Variants in LMF1 observed in about 807,000 individuals in gnomAD.
LMF1 encodes lipase maturation factor 1, also known as transmembrane protein 112.
A neutral mutation model predicts 60.6 loss-of-function variants in LMF1; 68 were observed. The ratio of observed to expected loss-of-function variants is 1.12; its 90% CI spans 0.92 to 1.37. The LOEUF (loss-of-function observed/expected upper bound fraction) is 1.37, where lower values mean the gene tolerates loss of function less well. LMF1 is among the 40% of genes most tolerant of loss of function. LMF1 has a pLI of 0.00. For synonymous variants in LMF1, 418 were observed against 324.7 expected (o/e 1.29, Z -3.09); for missense variants, 948 against 767.2 (o/e 1.24, Z -2.78).
At chr16:894,967 G>A (rs112130516) in intron 4 of LMF1, among the ~76,000 whole-genome samples, 6 of 152,056 alleles carry the variant, frequency 3.9e-5, no homozygotes, top group African/African-American at 1.2e-4. Flanking sequence ...GCCCCGGGGC[G>A]GGGTGGGGAT....
chr16:918,537 T>C (rs1039271192), intron 3 of LMF1, among the ~76,000 whole-genome samples: 5 of 152,224 alleles, frequency 3.3e-5, no homozygotes, highest in African/African-American at 1.2e-4. Flanking sequence ...TCTTTGTCTT[T>C]TGTGTCCCGG....
At chr16:855,734 C>T (rs778073893) in intron 10 of LMF1, 1 of 456,074 alleles carries the variant, frequency 2.2e-6, no homozygotes, top group South Asian at 1.5e-5. Flanking sequence ...CCTCTCATGG[C>T]CCCTGGAATG....
chr16:948,806 GCCAACGAC>G, intron 2 of LMF1, among the ~76,000 whole-genome samples: 2 of 140,098 alleles, frequency 1.4e-5, no homozygotes, highest in Admixed American at 7.3e-5. Context: ...GACAGAGTCA[GCCAACGAC>G]AGAGTCAGCC....
At chr16:877,626 G>A (rs2070029690) in intron 6 of LMF1, among the ~76,000 whole-genome samples, 1 of 152,210 alleles carries the variant, frequency 6.6e-6, no homozygotes, top group African/African-American at 2.4e-5. Context: ...AAGGAGAAGT[G>A]AATAAAAGCA....
At position 879,705 on chromosome 16, in the gene LMF1, G is replaced by T. The variant is rs1161991404; in HGVS notation, c.762C>A (p.Tyr254Ter). ...GGAACCACCAGGGTGAGTGGTGCAG[G>T]TAGTACGCCACAGGATTGGGCATCG... ...TQPMPNPVAYYLHHSPWWFHR... is the reference protein window; with the variant it reads ...TQPMPNPVAY The change falls in exon 6 of 11, where the codon TAC becomes TAA. Residue 254 changes from tyrosine (Y) to a stop codon, truncating the protein, a stop_gained. Transcript: ENST00000262301. LOFTEE classifies it high-confidence loss of function. 6.2e-7 allele frequency: 1 copy of T among 1,601,082 alleles called. No homozygotes were observed. The highest frequency in any genetic ancestry group is 1.3e-5 in the African/African-American group (1 of 74,746).
chr16:973,082 C>T (rs2151501337), upstream of LMF1, among the ~76,000 whole-genome samples: 1 of 152,342 alleles, frequency 6.6e-6, no homozygotes, highest in South Asian at 2.1e-4. Context: ...GAGCCGGGCG[C>T]CTGTCATCCC....
chr16:863,689 T>C (rs1473372717), intron 10 of LMF1, among the ~76,000 whole-genome samples: 1 of 152,236 alleles, frequency 6.6e-6, no homozygotes, highest in Non-Finnish European at 1.5e-5. Flanking sequence ...GGGGTCTTCC[T>C]GTGCTGCCTG....
At chr16:964,087 C>A (rs754004185) in intron 1 of LMF1, 5 of 455,896 alleles carry the variant, frequency 1.1e-5, no homozygotes, top group Non-Finnish European at 2.2e-5. Context: ...AATACCGTGT[C>A]GCCCGAGCAG....
intron 3 of LMF1, chr16:931,539 G>T: frequency 1.0e-6 from 1 of 994,746 alleles, no homozygotes; most frequent in Non-Finnish European, 1.3e-6. Flanking sequence ...CGTCCCGAAC[G>T]AGGCCACAGG....
At chr16:943,076 A>G (rs2072146275) in intron 2 of LMF1, among the ~76,000 whole-genome samples, 1 of 152,230 alleles carries the variant, frequency 6.6e-6, no homozygotes, top group Non-Finnish European at 1.5e-5. Flanking sequence ...TCTTCTTTAA[A>G]GATTCAGAGT....
chr16:902,363 C>G (rs1596954590), intron 4 of LMF1: 1 of 153,162 alleles, frequency 6.5e-6, no homozygotes, highest in Middle Eastern at 3.3e-3. Flanking sequence ...TCCTGGACAT[C>G]AAGGGGCACC....
upstream of LMF1, chr16:975,610 G>A: frequency 2.7e-6 from 1 of 365,376 alleles, no homozygotes; most frequent in Non-Finnish European, 5.3e-6. Context: ...AGCCTCTAGA[G>A]CAAAGCTTTG....
At chr16:860,118 TC>T (rs1180438393) in intron 10 of LMF1, among the ~76,000 whole-genome samples, 1 of 151,900 alleles carries the variant, frequency 6.6e-6, no homozygotes, top group Non-Finnish European at 1.5e-5. Context: ...TTATGAAACT[TC>T]TTTACATATT....
At chr16:922,507 G>A (rs1199866791) in intron 3 of LMF1, among the ~76,000 whole-genome samples, 1 of 152,254 alleles carries the variant, frequency 6.6e-6, no homozygotes, top group Non-Finnish European at 1.5e-5. Flanking sequence ...TTACTAACAT[G>A]GACGTGAAGA....
chr16:876,546 AG>A (rs35336924), intron 6 of LMF1, among the ~76,000 whole-genome samples: 2,220 of 152,242 alleles, frequency 0.015, 25 homozygotes, highest in Non-Finnish European at 0.023. Flanking sequence ...GGAAACTGGG[AG>A]GGGGGGATAA....
chr16:884,943 G>A (rs1237027353), intron 5 of LMF1: 1 of 152,162 alleles, frequency 6.6e-6, no homozygotes, highest in African/African-American at 2.4e-5. Context: ...GTGATGTTAG[G>A]TGGAGGGAGA....
intron 2 of LMF1, among the ~76,000 whole-genome samples, chr16:940,452 C>A (rs796318202): frequency 6.6e-6 from 1 of 152,048 alleles, no homozygotes; most frequent in Non-Finnish European, 1.5e-5. Context: ...GGGTCCTCCC[C>A]GCAGGCAGCG....
rs930706018 is a variant in LMF1 at position 874,579 on chromosome 16, G to A, written c.898-3238C>T. On this transcript the variant is annotated intron_variant, in intron 6 of 10. Transcript: ENST00000262301. The surrounding 1 kb of genome is among the most constrained non-coding windows in gnomAD (Gnocchi z 4.1). ...AGGCAGGCAGCGGCCCCAGGGCCCC[G>A]CGGAACCCTCCGGAACAGCTGTGTA... is the stretch of plus-strand genomic sequence containing the variant. Among the ~76,000 whole-genome samples the A allele has an allele frequency of 2.0e-5, 3 of 152,180 alleles. No homozygotes were observed. The highest frequency in any genetic ancestry group is 1.9e-4 in the East Asian group (1 of 5,194).
intron 10 of LMF1, among the ~76,000 whole-genome samples, chr16:865,902 C>T (rs1035747353): frequency 1.1e-4 from 17 of 152,162 alleles, no homozygotes; most frequent in African/African-American, 4.1e-4. Context: ...TTGATTCTTT[C>T]CTCTGTCCTC....
Sources: allele counts gnomAD v4.1 joint callset (sites outside exome capture counted in the v4.1 genomes callset), GRCh38; gene constraint gnomAD v4.1.1; non-coding constraint Gnocchi (gnomAD v3.1); transcripts MANE v1.5; gene names NCBI Gene and HGNC (gene_info 2026-07-23, HGNC 2026-07-21).